HMGCLL1: variants seen among roughly 807,000 people sequenced by gnomAD.
HMGCLL1 encodes the protein 3-hydroxymethyl-3-methylglutaryl-CoA lyase, cytoplasmic.
HMGCLL1 carries 36 observed loss-of-function variants against 39.1 expected under a neutral mutation model. The ratio of observed to expected loss-of-function variants is 0.92; its 90% CI spans 0.71 to 1.22. The LOEUF (loss-of-function observed/expected upper bound fraction) is 1.22. Ranked by LOEUF, HMGCLL1 falls within the 50% of genes most tolerant of loss-of-function variation. The pLI, the probability that HMGCLL1 is intolerant of heterozygous loss-of-function variation, is 0.00. For missense variants in HMGCLL1, 451 were observed against 416.5 expected, an observed-to-expected ratio of 1.08 and a Z score of -0.72; for synonymous variants, 149 against 144.0, an observed-to-expected ratio of 1.03 and a Z score of -0.25.
the HMGCLL1 span, among the ~76,000 whole-genome samples, chr6:55,600,162 A>G: frequency 6.6e-6 from 1 of 151,964 alleles, no homozygotes; most frequent in Non-Finnish European, 1.5e-5. Context: ...CTCTAAAATC[A>G]TATTTCACTT....
At chr6:55,485,031 T>G (rs1765949891) in intron 7 of HMGCLL1, among the ~76,000 whole-genome samples, 1 of 152,204 alleles carries the variant, frequency 6.6e-6, no homozygotes, top group African/African-American at 2.4e-5. Context: ...TGTTGTTTGT[T>G]GAACACATGT....
At chr6:55,672,372 T>C in the HMGCLL1 span, among the ~76,000 whole-genome samples, 1 of 151,840 alleles carries the variant, frequency 6.6e-6, no homozygotes, top group Non-Finnish European at 1.5e-5. Flanking sequence ...TTTATTAAGC[T>C]CAAATTCTCT....
chr6:55,678,848 C>T, the HMGCLL1 span, among the ~76,000 whole-genome samples: 3 of 152,006 alleles, frequency 2.0e-5, no homozygotes, highest in African/African-American at 7.2e-5. Context: ...GACAGATTCC[C>T]GACATATAAG....
chr6:55,507,804 G>A (rs9475330), intron 5 of HMGCLL1, among the ~76,000 whole-genome samples: 102,438 of 151,522 alleles, frequency 0.68, 34,638 homozygotes, highest in Non-Finnish European at 0.7. Context: ...ATTTTATTTT[G>A]TAAACTTCAA....
the HMGCLL1 span, among the ~76,000 whole-genome samples, chr6:55,670,226 T>C: frequency 1.3e-5 from 2 of 151,788 alleles, no homozygotes; most frequent in Admixed American, 6.6e-5. Context: ...AAGAGAACTG[T>C]CATTCCAGAA....
chr6:55,641,430 A>G, the HMGCLL1 span, among the ~76,000 whole-genome samples: 1 of 152,072 alleles, frequency 6.6e-6, no homozygotes, highest in African/African-American at 2.4e-5. Flanking sequence ...GACAATATCT[A>G]TAAATAACAA....
intron 3 of HMGCLL1, among the ~76,000 whole-genome samples, chr6:55,520,878 CAA>C (rs34841260): frequency 0.16 from 23,861 of 147,014 alleles, 2,390 homozygotes; most frequent in Admixed American, 0.25. Context: ...TATCTCTAGC[CAA>C]AAAAAAAAAA....
the HMGCLL1 span, among the ~76,000 whole-genome samples, chr6:55,650,092 T>TAC: frequency 8.0e-5 from 1 of 12,488 alleles, no homozygotes; most frequent in Non-Finnish European, 1.5e-4. Context: ...CACATATACA[T>TAC]ATATATATAT....
At chr6:55,614,324 A>G in the HMGCLL1 span, among the ~76,000 whole-genome samples, 22 of 152,090 alleles carry the variant, frequency 1.4e-4, no homozygotes. Context: ...GAACTTAGAG[A>G]CATCTTTCTT....
intron 7 of HMGCLL1, among the ~76,000 whole-genome samples, chr6:55,460,835 C>A (rs1264132338): frequency 6.6e-6 from 1 of 151,812 alleles, no homozygotes; most frequent in Admixed American, 6.6e-5. Context: ...ATTTTTTAAC[C>A]CAGCAATTTT....
At chr6:55,572,552 G>C (rs1457899942) in intron 1 of HMGCLL1, among the ~76,000 whole-genome samples, 2 of 151,932 alleles carry the variant, frequency 1.3e-5, no homozygotes, top group Non-Finnish European at 2.9e-5. Flanking sequence ...ATTTGGAATA[G>C]TCATTTTTTC....
chr6:55,561,129 A>G (rs1443064128), intron 1 of HMGCLL1, among the ~76,000 whole-genome samples: 1 of 152,024 alleles, frequency 6.6e-6, no homozygotes, highest in Non-Finnish European at 1.5e-5. Flanking sequence ...ATTCACTAAA[A>G]TATCCCAACA....
chr6:55,587,657 C>A, the HMGCLL1 span, among the ~76,000 whole-genome samples: 2 of 151,940 alleles, frequency 1.3e-5, no homozygotes. Flanking sequence ...TTCAGGAAAC[C>A]CATCTCACGT....
At chr6:55,574,177 T>G (rs374819698) in intron 1 of HMGCLL1, among the ~76,000 whole-genome samples, 2 of 151,762 alleles carry the variant, frequency 1.3e-5, no homozygotes, top group African/African-American at 4.8e-5. Flanking sequence ...AAAGAAAAAC[T>G]GAAAAAAATC....
In HMGCLL1 at chr6:55,516,526, A is replaced by C; in HGVS notation, c.375T>G (p.Leu125=). The C allele has an allele frequency of 6.3e-7, 1 of 1,596,480 alleles. No homozygotes were observed. Among genetic ancestry groups the C allele is most frequent in the Non-Finnish European group, 8.6e-7 (1 of 1,167,914 alleles). ...GVRYPVLTPN[L]QGFHHAVAAG... ...CACTTACAGCATGGTGAAAACCCTG[A>C]AGATTAGGAGTAAGGACAGGATAGC... The change falls in exon 4 of 9, where the codon CTT becomes CTG. Residue 125 remains leucine (L), a synonymous_variant. Transcript: ENST00000274901.
intron 7 of HMGCLL1, among the ~76,000 whole-genome samples, chr6:55,444,621 A>G (rs1763736922): frequency 6.6e-6 from 1 of 152,030 alleles, no homozygotes; most frequent in South Asian, 2.1e-4. Flanking sequence ...GGAGATATAT[A>G]AAGTGCTAAT....
chr6:55,583,879 T>C (rs9475353), upstream of HMGCLL1, among the ~76,000 whole-genome samples: 7,521 of 152,224 alleles, frequency 0.049, 416 homozygotes, highest in African/African-American at 0.13. Context: ...GAACTTAAAA[T>C]CATGCATGAT....
At chr6:55,530,607 T>C (rs1405856206) in intron 3 of HMGCLL1, among the ~76,000 whole-genome samples, 3 of 152,144 alleles carry the variant, frequency 2.0e-5, no homozygotes, top group Non-Finnish European at 2.9e-5. Context: ...ATTCTTTTTC[T>C]TTTATCAAAT....
At chr6:55,477,275 A>AATATATATTATAT (rs1765415984) in intron 7 of HMGCLL1, among the ~76,000 whole-genome samples, 2 of 17,872 alleles carry the variant, frequency 1.1e-4, no homozygotes, top group African/African-American at 1.0e-3. Flanking sequence ...TATAATATAT[A>AATATATATTATAT]TTATATATTA....
Sources: allele counts gnomAD v4.1 joint callset (sites outside exome capture counted in the v4.1 genomes callset), GRCh38; gene constraint gnomAD v4.1.1; transcripts MANE v1.5; gene names NCBI Gene and HGNC (gene_info 2026-07-23, HGNC 2026-07-21).